Variants in AKAP8L observed in about 807,000 individuals in gnomAD.
AKAP8L encodes the protein A-kinase anchoring protein 8 like.
AKAP8L carries 34 observed loss-of-function variants against 77.5 expected under a neutral mutation model. The ratio of observed to expected loss-of-function variants is 0.44; its 90% CI spans 0.33 to 0.58. The LOEUF (loss-of-function observed/expected upper bound fraction) is 0.58, where lower values mean the gene tolerates loss of function less well. AKAP8L is among the 20% of genes least tolerant of loss of function. AKAP8L has a pLI of 0.02. For missense variants in AKAP8L, 806 were observed against 887.6 expected (o/e 0.91, Z 1.17); for synonymous variants, 342 against 340.7 (o/e 1.00, Z -0.04).
At position 15,398,831 on chromosome 19, in the gene AKAP8L, A is replaced by G; in HGVS notation, c.1157+471T>C. The G allele has an allele frequency of 2.0e-6, 2 of 1,013,070 alleles. No individual in the cohort carries two copies. Among genetic ancestry groups the G allele is most frequent in the Non-Finnish European group, 1.2e-6 (1 of 845,890 alleles). The allele number at this position is 1,013,070 out of a possible 1,614,324, so 62.8% of individuals were successfully genotyped here. The stretch of plus-strand genomic sequence containing the variant: ...CAGCCGCAGACAGGCCCGGCCTGAC[A>G]GGGCCGGCGGGCAGGGCAGAAGGCA... On this transcript the variant is annotated intron_variant, in intron 9 of 13. Coordinates refer to ENST00000397410, the MANE Select transcript of AKAP8L (RefSeq NM_014371.4). This position sits in a 1 kb window ranked among gnomAD's most constrained non-coding sequence, Gnocchi z 9.2.
chr19:15,402,115 A>G (rs1013544980), intron 4 of AKAP8L, among the ~76,000 whole-genome samples: 10 of 152,184 alleles, frequency 6.6e-5, no homozygotes, highest in Non-Finnish European at 1.3e-4. Context: ...CCTCATTACC[A>G]AAACAACTGA....
In AKAP8L at chr19:15,403,395, A is replaced by G. The variant is rs1967936492; in HGVS notation, c.362+80T>C. The G allele has an allele frequency of 7.3e-7, 1 of 1,362,418 alleles. No individual in the cohort carries two copies. Among genetic ancestry groups the G allele is most frequent in the South Asian group, 1.2e-5 (1 of 81,484 alleles). The allele number at this position is 1,362,418 out of a possible 1,614,324, so 84.4% of individuals were successfully genotyped here. ...GGGGAGGAAGCAGACACAGAGGGGC[A>G]CTCAGAGAGGAAAACGCAGTGGGCA... is the stretch of plus-strand genomic sequence containing the variant. On this transcript the variant is annotated intron_variant, in intron 4 of 13. Coordinates refer to ENST00000397410, the MANE Select transcript of AKAP8L (RefSeq NM_014371.4). This position sits in a 1 kb window ranked among gnomAD's most constrained non-coding sequence, Gnocchi z 4.3.
At chr19:15,404,577 C>T (rs1396698024) in intron 2 of AKAP8L, among the ~76,000 whole-genome samples, 1 of 152,170 alleles carries the variant, frequency 6.6e-6, no homozygotes, top group African/African-American at 2.4e-5. Flanking sequence ...ATGATAAAAC[C>T]TCATTCCTTC....
Position 15,403,757 on chromosome 19 carries a change from G to A in AKAP8L, c.122-42C>T, listed in dbSNP as rs916181068. On this transcript the variant is annotated intron_variant, in intron 3 of 13. Transcript: ENST00000397410. The surrounding 1 kb of genome is among the most constrained non-coding windows in gnomAD (Gnocchi z 4.3). ...AGAGACAGACAGATGGTGGGGGCAG[G>A]CAGAGGGGAGGCAGACAGAGACAGA... 12 of 1,460,326 alleles carry A rather than the reference G, an allele frequency of 8.2e-6. No homozygotes were observed. The African/African-American group carries it at 1.5e-4, about 19-fold the overall frequency. 90.5% of individuals were successfully genotyped at this position (1,460,326 alleles called of 1,614,324 possible).
At chr19:15,387,273 T>C (rs1967558756) in intron 12 of AKAP8L, among the ~76,000 whole-genome samples, 1 of 152,198 alleles carries the variant, frequency 6.6e-6, no homozygotes. Context: ...CCCCAGAGCC[T>C]TGGCTCAGAG....
chr19:15,405,598 T>C (rs1012180017), intron 2 of AKAP8L, among the ~76,000 whole-genome samples: 3 of 151,756 alleles, frequency 2.0e-5, no homozygotes, highest in Admixed American at 6.6e-5. Context: ...AAGTGACTGT[T>C]TGTACCAGGG....
intron 1 of AKAP8L, among the ~76,000 whole-genome samples, chr19:15,411,990 A>T (rs924369423): frequency 6.6e-6 from 1 of 152,154 alleles, no homozygotes; most frequent in African/African-American, 2.4e-5. Context: ...CAGGTGGATC[A>T]CGAGGTTAGG....
chr19:15,398,125 G>T lies in AKAP8L; in HGVS notation c.1158-270C>A. 2.1e-6 allele frequency: 1 copy of T among 483,762 alleles called. No homozygotes were observed. Among genetic ancestry groups the T allele is most frequent in the Non-Finnish European group, 3.8e-6 (1 of 265,712 alleles). The allele number at this position is 483,762 out of a possible 1,614,324, so 30.0% of individuals were successfully genotyped here. A position where few individuals can be genotyped will look rare whatever the true frequency, so the allele number is the denominator to read the frequency against. ...GCTGAAGCCTGAGACAGCAGCTGCTGCAACAGGCAACGAGTCGCTGGAAAG... is the reference window on the plus strand; with the variant it reads ...GCTGAAGCCTGAGACAGCAGCTGCTTCAACAGGCAACGAGTCGCTGGAAAG... On this transcript the variant is annotated intron_variant, in intron 9 of 13. Transcript: ENST00000397410. This position sits in a 1 kb window ranked among gnomAD's most constrained non-coding sequence, Gnocchi z 9.2.
rs192500568 is a variant in AKAP8L, at chr19:15,387,150, T to C, written c.1537-6538A>G. Among the ~76,000 whole-genome samples the C allele has an allele frequency of 5.9e-5, 9 of 152,154 alleles. No individual in the cohort carries two copies. In the South Asian group the frequency reaches 1.0e-3, roughly 18 times the overall value. ...CCATGGCTTGTTCATAAAGCAGAGG[T>C]CCCATGCCAGGAAAGGCAAACCAAG... On this transcript the variant is annotated intron_variant, in intron 12 of 13. Coordinates refer to ENST00000397410, the MANE Select transcript of AKAP8L (RefSeq NM_014371.4).
At chr19:15,405,575 T>C in intron 2 of AKAP8L, among the ~76,000 whole-genome samples, 1 of 151,406 alleles carries the variant, frequency 6.6e-6, no homozygotes, top group Non-Finnish European at 1.5e-5. Flanking sequence ...AGGCAGCTAC[T>C]GTACACCTGG....
At chr19:15,391,457 C>CAAAAA (rs1163781609) in intron 12 of AKAP8L, among the ~76,000 whole-genome samples, 1 of 34,910 alleles carries the variant, frequency 2.9e-5, no homozygotes, top group East Asian at 1.0e-3. Flanking sequence ...GACTCTGTCT[C>CAAAAA]AAAAAAAAAA....
intron 12 of AKAP8L, among the ~76,000 whole-genome samples, chr19:15,394,206 A>C (rs946524138): frequency 2.0e-5 from 3 of 152,022 alleles, no homozygotes; most frequent in Admixed American, 1.3e-4. Context: ...AATGTGCCAC[A>C]TCTATCTACA....
intron 1 of AKAP8L, among the ~76,000 whole-genome samples, chr19:15,411,822 G>A (rs558282361): frequency 1.3e-5 from 2 of 152,218 alleles, no homozygotes; most frequent in East Asian, 1.9e-4. Context: ...GGAGGCCAAG[G>A]GGGGGTGGAC....
At chr19:15,389,447 T>C (rs1344991857) in intron 12 of AKAP8L, among the ~76,000 whole-genome samples, 1 of 152,032 alleles carries the variant, frequency 6.6e-6, no homozygotes, top group African/African-American at 2.4e-5. Context: ...CTGAAAGCTT[T>C]GGAAGGTTGA....
chr19:15,403,981 A>C lies in AKAP8L; in HGVS notation c.121+29T>G. 1 of 1,613,284 alleles carries C rather than the reference A, an allele frequency of 6.2e-7. No individual in the cohort carries two copies. Among genetic ancestry groups the C allele is most frequent in the Non-Finnish European group, 8.5e-7 (1 of 1,179,402 alleles). On this transcript the variant is annotated intron_variant, in intron 3 of 13. Coordinates refer to ENST00000397410, the MANE Select transcript of AKAP8L (RefSeq NM_014371.4). This position sits in a 1 kb window ranked among gnomAD's most constrained non-coding sequence, Gnocchi z 4.3. Reference sequence around the variant, plus strand: ...CACAGCCAGGACAACCCCAAGGGACAGGACAGCAATCACAGGAATGACACT... The same window carrying C: ...CACAGCCAGGACAACCCCAAGGGACCGGACAGCAATCACAGGAATGACACT...
At chr19:15,386,354 G>A (rs1430577264) in intron 12 of AKAP8L, among the ~76,000 whole-genome samples, 4 of 152,114 alleles carry the variant, frequency 2.6e-5, no homozygotes, top group East Asian at 3.9e-4. Flanking sequence ...AGTCTGAGGC[G>A]TTCCCTGGAA....
At chr19:15,392,926 C>G (rs990229936) in intron 12 of AKAP8L, among the ~76,000 whole-genome samples, 57 of 88,602 alleles carry the variant, frequency 6.4e-4, no homozygotes, top group Non-Finnish European at 1.1e-3. Flanking sequence ...CAATAAAGAA[C>G]AAAGCTTACA....
At chr19:15,410,390 TG>T in intron 2 of AKAP8L, 129 bp downstream of exon 2, 1 of 739,544 alleles carries the variant, frequency 1.4e-6, no homozygotes, top group African/African-American at 1.8e-5. Flanking sequence ...GCTATTCAAA[TG>T]GCCACACCAT....
rs1378919644 is a variant in AKAP8L, at chr19:15,398,114, C to G, written c.1158-259G>C. On this transcript the variant is annotated intron_variant, in intron 9 of 13. Transcript: ENST00000397410. This position sits in a 1 kb window ranked among gnomAD's most constrained non-coding sequence, Gnocchi z 9.2. ...ACAGGCAGGAGGCTGAAGCCTGAGA[C>G]AGCAGCTGCTGCAACAGGCAACGAG... 7 of 504,544 alleles carry G rather than the reference C, an allele frequency of 1.4e-5. No homozygotes were observed. The highest frequency in any genetic ancestry group is 2.1e-5 in the Non-Finnish European group (6 of 279,286). The allele number at this position is 504,544 out of a possible 1,614,324, so 31.3% of individuals were successfully genotyped here. A position where few individuals can be genotyped will look rare whatever the true frequency, so the allele number is the denominator to read the frequency against.
Sources: gnomAD v4.1 joint callset for allele counts (sites outside exome capture counted in the v4.1 genomes callset) on GRCh38, gnomAD v4.1.1 for gene constraint, Gnocchi (gnomAD v3.1) non-coding constraint, MANE v1.5 for transcripts, NCBI Gene and HGNC (gene_info 2026-07-23, HGNC 2026-07-21) for gene names.